Variants in BICD1 observed in about 807,000 individuals in gnomAD.
BICD1 encodes the protein BICD cargo adaptor 1.
A neutral mutation model predicts 92.5 loss-of-function variants in BICD1; 35 were observed. That is an observed-to-expected ratio of 0.38 (90% CI 0.29 to 0.50). BICD1 has a LOEUF of 0.50. BICD1 is among the 20% of genes least tolerant of loss of function. The probability of loss-of-function intolerance (pLI) is 0.93; values close to 1 mark genes in which losing one functional copy is unlikely to be tolerated. For synonymous variants in BICD1, 429 were observed against 465.1 expected (o/e 0.92, Z 1.00); for missense variants, 950 against 1,189.8 (o/e 0.80, Z 2.97).
At chr12:32,353,551 A>G (rs1938976349) in intron 8 of BICD1, 1 of 151,514 alleles carries the variant, frequency 6.6e-6, no homozygotes, top group Non-Finnish European at 1.5e-5. Flanking sequence ...ACCTCTCAGA[A>G]TATTTTCTAG....
intron 2 of BICD1, among the ~76,000 whole-genome samples, chr12:32,232,195 G>A (rs984979144): frequency 6.7e-6 from 1 of 149,538 alleles, no homozygotes; most frequent in Non-Finnish European, 1.5e-5. Context: ...CTAGTTTACA[G>A]TCCCACCAAC....
intron 3 of BICD1, among the ~76,000 whole-genome samples, chr12:32,302,952 A>G (rs1463226030): frequency 1.7e-5 from 2 of 118,358 alleles, no homozygotes; most frequent in African/African-American, 7.1e-5. Flanking sequence ...TTTTTCCCTC[A>G]AGACAGGGCC....
At chr12:32,132,551 G>C (rs1402224530) in intron 1 of BICD1, among the ~76,000 whole-genome samples, 2 of 152,144 alleles carry the variant, frequency 1.3e-5, no homozygotes, top group Non-Finnish European at 2.9e-5. Flanking sequence ...GCTCAATGCG[G>C]GACGGTTAGC....
At position 32,328,348 on chromosome 12, in the gene BICD1, A is replaced by C. The variant is rs747533405; in HGVS notation, c.1893A>C (p.Ile631=). The C allele has an allele frequency of 6.2e-7, 1 of 1,614,216 alleles. No homozygotes were observed. The highest frequency in any genetic ancestry group is 1.1e-5 in the South Asian group (1 of 91,082). The change falls in exon 5 of 10, where the codon ATA becomes ATC. Residue 631 remains isoleucine (I), a synonymous_variant. Coordinates refer to ENST00000652176, the MANE Select transcript of BICD1 (RefSeq NM_001714.4). The surrounding 1 kb of genome is among the most constrained non-coding windows in gnomAD (Gnocchi z 4.4). ...EPMNIYNLNA[I]IRDQIKHLQK... ...TGAATATCTACAACCTTAATGCCAT[A>C]ATCCGGGACCAAATCAAGCATCTGC...
intron 4 of BICD1, among the ~76,000 whole-genome samples, chr12:32,315,987 T>C (rs1160604931): frequency 2.0e-5 from 3 of 151,730 alleles, no homozygotes; most frequent in Admixed American, 1.3e-4. Context: ...AATACAAAAA[T>C]TAGCCGAGTG....
intron 9 of BICD1, among the ~76,000 whole-genome samples, chr12:32,375,073 C>T (rs1486724297): frequency 6.6e-6 from 1 of 151,236 alleles, no homozygotes; most frequent in Non-Finnish European, 1.5e-5. Flanking sequence ...CGCCCGCCAC[C>T]ACGCCCAGCT....
chr12:32,251,045 T>A (rs1946509606), intron 2 of BICD1, among the ~76,000 whole-genome samples: 1 of 152,154 alleles, frequency 6.6e-6, no homozygotes, highest in Non-Finnish European at 1.5e-5. Context: ...TTCTTTTGAG[T>A]GAGTTAGAAC....
intron 4 of BICD1, among the ~76,000 whole-genome samples, chr12:32,307,652 A>G (rs530732133): frequency 2.0e-5 from 3 of 152,222 alleles, no homozygotes; most frequent in Non-Finnish European, 4.4e-5. Context: ...CACGGAAATG[A>G]TGACTGGAAA....
Position 32,327,651 on chromosome 12 carries a change from CAG to C in BICD1, c.1197_1198del (p.Glu401GlyfsTer4). ...CTGGACGGGGAGAAGGGCCGGGACT[CAG>C]GGGAGGAGGCCCATGACTATGAGGT... On this transcript the variant is annotated frameshift_variant, in exon 5 of 10. Transcript: ENST00000652176. LOFTEE classifies it high-confidence loss of function. 6.2e-7 allele frequency: 1 copy of C among 1,614,054 alleles called. No homozygotes were observed. Among genetic ancestry groups the C allele is most frequent in the Non-Finnish European group, 8.5e-7 (1 of 1,179,976 alleles).
At chr12:32,270,436 A>G (rs540647885) in intron 2 of BICD1, among the ~76,000 whole-genome samples, 48 of 152,316 alleles carry the variant, frequency 3.2e-4, no homozygotes, top group Middle Eastern at 3.4e-3. Flanking sequence ...TAATAAAAAC[A>G]AGTAAAAGAA....
At chr12:32,179,638 G>C (rs1445607357) in intron 1 of BICD1, among the ~76,000 whole-genome samples, 1 of 151,912 alleles carries the variant, frequency 6.6e-6, no homozygotes. Flanking sequence ...TTTCATAGCA[G>C]TAATAAGGAT....
At chr12:32,138,236 T>A (rs1942797916) in intron 1 of BICD1, among the ~76,000 whole-genome samples, 2 of 152,232 alleles carry the variant, frequency 1.3e-5, no homozygotes, top group African/African-American at 4.8e-5. Context: ...TATTTCCACT[T>A]ACATAGATGA....
At chr12:32,109,757 C>A (rs1326911839) in intron 1 of BICD1, among the ~76,000 whole-genome samples, 3 of 151,640 alleles carry the variant, frequency 2.0e-5, no homozygotes, top group South Asian at 2.1e-4. Context: ...TATTTTTATT[C>A]TTTAAACATA....
rs56217529 is a variant in BICD1 at position 32,282,202 on chromosome 12, C to CTTTTTTTTTTTTTT, written c.427-11769_427-11756dup. On this transcript the variant is annotated intron_variant, in intron 2 of 9. Transcript: ENST00000652176. ...GCAAGACCCAGCTTCAGGTCTTCTTCTTTTTTTTTTTTTTTTTTTTTTTTT... is the reference window on the plus strand; with the variant it reads ...GCAAGACCCAGCTTCAGGTCTTCTTCTTTTTTTTTTTTTTTTTTTTTTTTTTTTTTTTTTTTTTT... Among the ~76,000 whole-genome samples, 5 of 94,236 alleles carry CTTTTTTTTTTTTTT rather than the reference C, an allele frequency of 5.3e-5. 1 individual carries two copies. Among genetic ancestry groups the CTTTTTTTTTTTTTT allele is most frequent in the African/African-American group, 1.3e-4 (3 of 22,426 alleles). 61.8% of individuals were successfully genotyped at this position (94,236 alleles called of 152,430 possible). A position where few individuals can be genotyped will look rare whatever the true frequency, so the allele number is the denominator to read the frequency against.
Position 32,337,876 on chromosome 12 carries a change from A to G in BICD1, c.2570+60A>G, listed in dbSNP as rs768458501. ...TGGCCAGATTTTAGTTAACTGCAAAAATAAATGTGCTCTTGTTGTGGAGGA... is the reference window on the plus strand; with the variant it reads ...TGGCCAGATTTTAGTTAACTGCAAAGATAAATGTGCTCTTGTTGTGGAGGA... On this transcript the variant is annotated intron_variant, in intron 7 of 9. Coordinates refer to ENST00000652176, the MANE Select transcript of BICD1 (RefSeq NM_001714.4). The surrounding 1 kb of genome is among the most constrained non-coding windows in gnomAD (Gnocchi z 4.7). 1 of 1,554,570 alleles carries G rather than the reference A, an allele frequency of 6.4e-7. No individual in the cohort carries two copies. Among genetic ancestry groups the G allele is most frequent in the Non-Finnish European group, 8.9e-7 (1 of 1,127,996 alleles).
At position 32,342,767 on chromosome 12, in the gene BICD1, C is replaced by G. The variant is rs531687891; in HGVS notation, c.2764+3788C>G. On this transcript the variant is annotated intron_variant, in intron 8 of 9. Transcript: ENST00000652176. ...AACATAAAATGTTATTTATTCTGTA[C>G]AAGAGTTACTTTCAAATAGATTTTA... is the stretch of plus-strand genomic sequence containing the variant. Among the ~76,000 whole-genome samples the G allele has an allele frequency of 7.9e-5, 12 of 152,204 alleles. No individual in the cohort carries two copies. The East Asian group carries it at 1.2e-3, about 15-fold the overall frequency.
Position 32,126,729 on chromosome 12 carries a change from T to C in BICD1, c.213+19185T>C, listed in dbSNP as rs149636862. On this transcript the variant is annotated intron_variant, in intron 1 of 9. Coordinates refer to ENST00000652176, the MANE Select transcript of BICD1 (RefSeq NM_001714.4). Reference sequence around the variant, plus strand: ...CCGAGATCAGATCACGCCACTGCACTCTAGCCTGGGCGACAGAGTGAGACT... The same window carrying C: ...CCGAGATCAGATCACGCCACTGCACCCTAGCCTGGGCGACAGAGTGAGACT... Among the ~76,000 whole-genome samples, 25 of 152,066 alleles carry C rather than the reference T, an allele frequency of 1.6e-4. No homozygotes were observed. The East Asian group carries it at 4.8e-3, about 29-fold the overall frequency.
intron 1 of BICD1, among the ~76,000 whole-genome samples, chr12:32,114,436 C>T (rs1265527293): frequency 1.3e-5 from 2 of 151,970 alleles, no homozygotes. Context: ...GGCTGGAGTA[C>T]AGTGGTGTGA....
intron 5 of BICD1, among the ~76,000 whole-genome samples, chr12:32,331,064 G>A (rs1474875135): frequency 1.3e-5 from 2 of 152,082 alleles, no homozygotes; most frequent in Non-Finnish European, 2.9e-5. Flanking sequence ...AACCCCGGGG[G>A]GCGGAGGTTG....
Sources: gnomAD v4.1 joint callset for allele counts (sites outside exome capture counted in the v4.1 genomes callset) on GRCh38, gnomAD v4.1.1 for gene constraint, Gnocchi (gnomAD v3.1) non-coding constraint, MANE v1.5 for transcripts, NCBI Gene and HGNC (gene_info 2026-07-23, HGNC 2026-07-21) for gene names.